The following NF1 variants were observed in gnomAD, a reference collection of about 807,000 sequenced individuals.
NF1 encodes neurofibromin.
NF1 carries 122 observed loss-of-function variants against 325.7 expected under a neutral mutation model. The ratio of observed to expected loss-of-function variants is 0.37; its 90% confidence interval spans 0.32 to 0.44. The LOEUF is 0.44. NF1 is among the 20% of genes least tolerant of loss of function. NF1 has a pLI of 1.00. For missense variants in NF1, 2,140 were observed against 3,415.4 expected (o/e 0.63, Z 9.31); for synonymous variants, 1,091 against 1,186.0 (o/e 0.92, Z 1.65).
intron 36 of NF1, among the ~76,000 whole-genome samples, chr17:31,265,996 C>T (rs1017736031): frequency 1.3e-5 from 2 of 152,148 alleles, no homozygotes; most frequent in African/African-American, 4.8e-5. Flanking sequence ...AAAACTCAAT[C>T]TGTGACGTTA....
rs752398289 is a variant in NF1, at chr17:31,374,146, G to A, written c.8511G>A (p.Lys2837=). The A allele has an allele frequency of 3.1e-6, 5 of 1,614,036 alleles. No homozygotes were observed. The Admixed American group carries it at 5.0e-5, about 16-fold the overall frequency. The change falls in exon 58 of 58, where the codon AAG becomes AAA. Residue 2837 remains lysine, a synonymous_variant. Coordinates refer to ENST00000358273, the MANE Select transcript of NF1 (RefSeq NM_001042492.3). The stretch of plus-strand genomic sequence containing the variant: ...GTTTCAAACGTAATAGCATTAAGAA[G>A]ATCGTGTGAAGCTTGCTTGCTTTCT... ...AGSFKRNSIK[K]IV
rs55747230 is a variant in NF1, at chr17:31,358,642, G to A, written c.8113+20G>A. Reference sequence around the variant, plus strand: ...TGCAAAGTAAATAAATGTATCTGGAGAAGGATGGTTGATGAACTTGCTAAC... The same window carrying A: ...TGCAAAGTAAATAAATGTATCTGGAAAAGGATGGTTGATGAACTTGCTAAC... On this transcript the variant is annotated intron_variant, in intron 55 of 57. Coordinates refer to ENST00000358273, the MANE Select transcript of NF1 (RefSeq NM_001042492.3). 28,339 of 1,613,800 alleles carry A rather than the reference G, an allele frequency of 0.018. 301 individuals are homozygous for A. The highest frequency in any genetic ancestry group is 0.021 in the Non-Finnish European group (24,455 of 1,179,772).
intron 5 of NF1, among the ~76,000 whole-genome samples, chr17:31,172,333 CTG>C: frequency 7.0e-6 from 1 of 142,658 alleles, no homozygotes; most frequent in East Asian, 2.0e-4. Context: ...CTGTCTCTGT[CTG>C]TCTCTCTGTC....
At position 31,259,144 on chromosome 17, in the gene NF1, A is replaced by G. The variant is rs2067640818; in HGVS notation, c.4430+15A>G. Reference sequence around the variant, plus strand: ...GCAGCACGCAGGTAATTTTCTTGCCACTTACTCAGTTGCTCTGTTTGAATC... The same window carrying G: ...GCAGCACGCAGGTAATTTTCTTGCCGCTTACTCAGTTGCTCTGTTTGAATC... On this transcript the variant is annotated intron_variant, in intron 33 of 57. Coordinates refer to ENST00000358273, the MANE Select transcript of NF1 (RefSeq NM_001042492.3). The G allele has an allele frequency of 6.5e-7, 1 of 1,549,946 alleles. No homozygotes were observed. The highest frequency in any genetic ancestry group is 2.3e-5 in the East Asian group (1 of 44,196).
chr17:31,099,200 C>T (rs1418714964), intron 1 of NF1, among the ~76,000 whole-genome samples: 2 of 152,152 alleles, frequency 1.3e-5, no homozygotes, highest in African/African-American at 4.8e-5. Context: ...TTTCTAGCCA[C>T]TGCTGATTAC....
At chr17:31,219,712 A>G (rs2066889544) in intron 14 of NF1, among the ~76,000 whole-genome samples, 1 of 148,518 alleles carries the variant, frequency 6.7e-6, no homozygotes, top group South Asian at 2.1e-4. Flanking sequence ...ATCACCCCAG[A>G]AAGAAACTTG....
intron 8 of NF1, among the ~76,000 whole-genome samples, chr17:31,191,522 C>T (rs2066342365): frequency 1.3e-5 from 2 of 152,072 alleles, no homozygotes; most frequent in Non-Finnish European, 2.9e-5. Flanking sequence ...AAGCCAGGGT[C>T]AAGAGATGAC....
Position 31,232,914 on chromosome 17 carries a change from C to A in NF1, c.3496+33C>A, listed in dbSNP as rs2066736. ...CAAATGAAAGTTTCATATAGAAATA[C>A]AAAACCTAGAGAACTGGCATGTAAG... On this transcript the variant is annotated intron_variant, in intron 26 of 57. Transcript: ENST00000358273. 0.33 allele frequency: 531,214 copies of A among 1,612,700 alleles called. 93,276 individuals carry two copies. The highest frequency in any genetic ancestry group is 0.62 in the African/African-American group (46,093 of 74,842).
At chr17:31,243,977 G>A (rs1297479158) in intron 29 of NF1, among the ~76,000 whole-genome samples, 9 of 152,084 alleles carry the variant, frequency 5.9e-5, no homozygotes, top group Admixed American at 2.6e-4. Flanking sequence ...AGCAAGTACT[G>A]CCTGGCTATC....
chr17:31,240,590 A>G (rs1398632985), intron 29 of NF1, among the ~76,000 whole-genome samples: 1 of 152,198 alleles, frequency 6.6e-6, no homozygotes, highest in Non-Finnish European at 1.5e-5. Flanking sequence ...GTTTCAGTAT[A>G]TACCTAGTAG....
rs749745247 is a variant in NF1 at position 31,225,159 on chromosome 17, G to C, written c.1910G>C (p.Ser637Thr). 2.5e-6 allele frequency: 4 copies of C among 1,613,710 alleles called. No homozygotes were observed. The highest frequency in any genetic ancestry group is 2.5e-6 in the Non-Finnish European group (3 of 1,179,754). Residue 637 changes from serine to threonine, a missense_variant, in exon 17 of 58, where the codon AGT becomes ACT. Ser to Thr is a moderately conservative substitution (Grantham distance 58). Transcript: ENST00000358273. ...GGGGTAGGATGTGATATTCCTTCTA[G>C]TGGAAATACCAGTCAAATGTCCATG... ...FYGVGCDIPSSGNTSQMSMDH... is the reference protein window; with the variant it reads ...FYGVGCDIPSTGNTSQMSMDH...
chr17:31,146,741 C>T (rs186888737), intron 1 of NF1, among the ~76,000 whole-genome samples: 11 of 152,316 alleles, frequency 7.2e-5, no homozygotes, highest in African/African-American at 1.4e-4. Context: ...GAGCCTGGAG[C>T]GAGAATGGGA....
At chr17:31,223,627 T>C in intron 16 of NF1, 60 bp downstream of exon 16, 2 of 1,548,898 alleles carry the variant, frequency 1.3e-6, no homozygotes, top group Non-Finnish European at 1.8e-6. Flanking sequence ...TGGTGAGAGA[T>C]TACTAAAGTG....
Position 31,175,846 on chromosome 17 carries a change from G to A in NF1, c.587-5576G>A, listed in dbSNP as rs116253461. On this transcript the variant is annotated intron_variant, in intron 5 of 57. Transcript: ENST00000358273. ...CTTCATCCATGTCCCTGCAAAGGAC[G>A]GGAACTTATCCTTTTCTATGTCAGC... Among the ~76,000 whole-genome samples the A allele has an allele frequency of 7.4e-4, 112 of 152,220 alleles. 1 individual carries two copies. Among genetic ancestry groups the A allele is most frequent in the African/African-American group, 2.6e-3 (108 of 41,528 alleles).
chr17:31,227,155 G>C (rs2067028848), intron 18 of NF1, 63 bp from the exon 19 acceptor site: 2 of 1,524,144 alleles, frequency 1.3e-6, no homozygotes, highest in Non-Finnish European at 1.8e-6. Flanking sequence ...GAGCTTATCA[G>C]GTTCTCCATT....
At position 31,206,333 on chromosome 17, in the gene NF1, C is replaced by G; in HGVS notation, c.1354C>G (p.Gln452Glu). Residue 452 changes from glutamine to glutamate, a missense_variant, in exon 12 of 58, where the codon CAA becomes GAA. By Grantham distance (29) the Gln-to-Glu change is conservative (BLOSUM62 2). Transcript: ENST00000358273. The stretch of plus-strand genomic sequence containing the variant: ...TGGTGAAACACTTCATAAAGCAGTG[C>G]AAGGTTGTGGAGCACACCCAGCAAT... ...MFGETLHKAV[Q>E]GCGAHPAIRM... The G allele has an allele frequency of 6.2e-7, 1 of 1,613,792 alleles. No homozygotes were observed. The highest frequency in any genetic ancestry group is 1.1e-5 in the South Asian group (1 of 91,074).
chr17:31,323,630 ATC>A (rs1432928315), intron 36 of NF1, among the ~76,000 whole-genome samples: 3 of 152,094 alleles, frequency 2.0e-5, no homozygotes, highest in East Asian at 3.9e-4. Flanking sequence ...TCCCAGCTTT[ATC>A]TCTCAAAACT....
intron 57 of NF1, among the ~76,000 whole-genome samples, chr17:31,364,892 G>T (rs1378138207): frequency 6.6e-6 from 1 of 152,146 alleles, no homozygotes; most frequent in African/African-American, 2.4e-5. Context: ...ATCTTGAAGA[G>T]AATCCATTTA....
intron 47 of NF1, among the ~76,000 whole-genome samples, chr17:31,341,580 A>G (rs1163113964): frequency 5.8e-5 from 7 of 120,296 alleles, no homozygotes; most frequent in Admixed American, 1.8e-4. Flanking sequence ...ATGTATGTGT[A>G]TATATATATA....
Sources: allele counts gnomAD v4.1 joint callset (sites outside exome capture counted in the v4.1 genomes callset), GRCh38; gene constraint gnomAD v4.1.1; transcripts MANE v1.5; gene names NCBI Gene and HGNC (gene_info 2026-07-23, HGNC 2026-07-21).